VRK3: variants seen among roughly 807,000 people sequenced by gnomAD.
The protein encoded by VRK3 is VRK serine/threonine kinase 3.
In VRK3, 50 loss-of-function variants were observed where a neutral mutation model predicts 60.4. The observed-to-expected ratio is 0.83, with a 90% CI of 0.66 to 1.05. VRK3 has a LOEUF of 1.05. Among genes scored for constraint, VRK3 ranks in the 50% least tolerant of loss-of-function variants. The probability of loss-of-function intolerance (pLI) is 0.00; values close to 1 mark genes in which losing one functional copy is unlikely to be tolerated. For missense variants in VRK3, 549 were observed against 585.3 expected (o/e 0.94, Z 0.64); for synonymous variants, 246 against 227.8 (o/e 1.08, Z -0.72).
chr19:49,992,300 A>G (rs2076625355), intron 10 of VRK3, among the ~76,000 whole-genome samples: 1 of 152,220 alleles, frequency 6.6e-6, no homozygotes, highest in Non-Finnish European at 1.5e-5. Flanking sequence ...CCAGCTACTC[A>G]GGAGGCTGAC....
At chr19:50,006,218 G>A (rs1288469824) in intron 5 of VRK3, among the ~76,000 whole-genome samples, 2 of 151,486 alleles carry the variant, frequency 1.3e-5, no homozygotes, top group Admixed American at 6.6e-5. Context: ...GCTGAGGCAG[G>A]AGAATCGCTT....
rs561492579 is a variant in VRK3 at position 50,005,328 on chromosome 19, A to T, written c.547+2241T>A. 4.8e-4 allele frequency among the ~76,000 whole-genome samples: 72 copies of T among 149,216 alleles called. 10 individuals are homozygous for T. Among genetic ancestry groups the T allele is most frequent in the African/African-American group, 1.8e-3 (71 of 38,626 alleles). ...ACTTCAAGGCAGGGATGGCCAACGG[A>T]AGGCTCAAAATTGTCTACGTGCCTG... On this transcript the variant is annotated intron_variant, in intron 5 of 14. Transcript: ENST00000316763.
At chr19:50,007,367 C>A (rs2076913609) in intron 5 of VRK3, among the ~76,000 whole-genome samples, 1 of 152,198 alleles carries the variant, frequency 6.6e-6, no homozygotes, top group Non-Finnish European at 1.5e-5. Flanking sequence ...AACTGCCTTA[C>A]TCCAGCCTGC....
chr19:50,020,761 G>A (rs982055012), intron 1 of VRK3, 114 bp from the exon 2 acceptor site: 1 of 152,162 alleles, frequency 6.6e-6, no homozygotes, highest in Non-Finnish European at 1.5e-5. Flanking sequence ...AAATCCATTC[G>A]TTTATTCATT....
chr19:50,011,977 T>C (rs1169572407), intron 3 of VRK3, among the ~76,000 whole-genome samples: 2 of 151,562 alleles, frequency 1.3e-5, no homozygotes, highest in African/African-American at 2.4e-5. Flanking sequence ...CATTCTTTTT[T>C]TTTTTTTTTT....
At chr19:49,981,932 TG>T in intron 12 of VRK3, 1 of 734,256 alleles carries the variant, frequency 1.4e-6, no homozygotes, top group Non-Finnish European at 2.1e-6. Flanking sequence ...GGTCATGCTG[TG>T]CCTGAGAGGG....
chr19:50,001,753 G>A (rs984129290), intron 5 of VRK3, among the ~76,000 whole-genome samples: 3 of 142,572 alleles, frequency 2.1e-5, no homozygotes, highest in East Asian at 4.4e-4. Flanking sequence ...GCCAAGAAAC[G>A]CCAGGCTGAC....
chr19:50,022,057 T>A (rs2077179414), intron 1 of VRK3, among the ~76,000 whole-genome samples: 1 of 152,148 alleles, frequency 6.6e-6, no homozygotes, highest in Non-Finnish European at 1.5e-5. Flanking sequence ...CTTTGAAACC[T>A]ACAAAATGAT....
At chr19:49,985,310 T>G (rs560640051) in intron 12 of VRK3, among the ~76,000 whole-genome samples, 1 of 152,184 alleles carries the variant, frequency 6.6e-6, no homozygotes, top group East Asian at 1.9e-4. Context: ...AAAAATAAGC[T>G]CCAAGAAAAT....
At chr19:50,014,872 C>T (rs79671614) in intron 3 of VRK3, among the ~76,000 whole-genome samples, 18,315 of 152,050 alleles carry the variant, frequency 0.12, 1,411 homozygotes, top group East Asian at 0.29. Flanking sequence ...TGCGTGAAGA[C>T]GACTACAGGG....
intron 7 of VRK3, among the ~76,000 whole-genome samples, chr19:49,996,681 A>T (rs994210396): frequency 6.6e-6 from 1 of 152,164 alleles, no homozygotes; most frequent in South Asian, 2.1e-4. Context: ...CAGTGGCATG[A>T]TCTCGGCTCA....
At chr19:49,983,984 A>T (rs773891148) in intron 12 of VRK3, among the ~76,000 whole-genome samples, 3 of 152,130 alleles carry the variant, frequency 2.0e-5, no homozygotes, top group Non-Finnish European at 2.9e-5. Flanking sequence ...AATTACTGTT[A>T]TCCATGCTGC....
intron 13 of VRK3, 152 bp from the exon 14 acceptor site, chr19:49,979,394 CA>C: frequency 1.8e-6 from 2 of 1,105,088 alleles, no homozygotes; most frequent in Non-Finnish European, 2.6e-6. Flanking sequence ...CTGGCATTGC[CA>C]GAGGACTTCA....
chr19:50,000,754 C>T (rs1407710094), intron 6 of VRK3, 36 bp downstream of exon 6: 3 of 1,588,874 alleles, frequency 1.9e-6, no homozygotes, highest in Non-Finnish European at 2.6e-6. Context: ...AAAGTCCCTC[C>T]CCTCCAAGCT....
At chr19:50,006,265 G>T (rs528573738) in intron 5 of VRK3, among the ~76,000 whole-genome samples, 1 of 151,632 alleles carries the variant, frequency 6.6e-6, no homozygotes, top group Admixed American at 6.6e-5. Context: ...AGCCGAGATC[G>T]TGCCACTGCA....
intron 8 of VRK3, 112 bp downstream of exon 8, chr19:49,995,079 G>A (rs2076678371): frequency 5.3e-6 from 7 of 1,318,954 alleles, no homozygotes; most frequent in Non-Finnish European, 7.4e-6. Flanking sequence ...ACTACGAGAA[G>A]GCAGGAAGCA....
intron 12 of VRK3, chr19:49,982,299 C>T: frequency 1.4e-6 from 1 of 689,728 alleles, no homozygotes; most frequent in Middle Eastern, 2.3e-4. Flanking sequence ...TTTGGGACAT[C>T]AGACAGCCCT....
At chr19:49,979,347 A>G (rs1439344304) in intron 13 of VRK3, 105 bp from the exon 14 acceptor site, 36 of 1,513,178 alleles carry the variant, frequency 2.4e-5, no homozygotes, top group Non-Finnish European at 3.1e-5. Context: ...ACTGAGGGGC[A>G]TGAGGGTCTC....
At chr19:50,022,847 C>T (rs544970557) in intron 1 of VRK3, among the ~76,000 whole-genome samples, 1 of 152,266 alleles carries the variant, frequency 6.6e-6, no homozygotes, top group Non-Finnish European at 1.5e-5. Context: ...CCCTCCTCTA[C>T]TCAAAACCGT....
Sources: gnomAD v4.1 joint callset for allele counts (sites outside exome capture counted in the v4.1 genomes callset) on GRCh38, gnomAD v4.1.1 for gene constraint, MANE v1.5 for transcripts, NCBI Gene and HGNC (gene_info 2026-07-23, HGNC 2026-07-21) for gene names.